Variants in CRB1 observed in about 807,000 individuals in gnomAD.
CRB1 encodes crumbs cell polarity complex component 1.
CRB1 carries 83 observed loss-of-function variants against 120.0 expected under a neutral mutation model. The observed-to-expected ratio is 0.69, with a 90% CI of 0.58 to 0.83. The LOEUF is 0.83. Among genes scored for constraint, CRB1 ranks in the 40% least tolerant of loss-of-function variants. The pLI is 0.00. For synonymous variants in CRB1, 625 were observed against 612.5 expected, an observed-to-expected ratio of 1.02 and a Z score of -0.30; for missense variants, 1,699 against 1,687.6, an observed-to-expected ratio of 1.01 and a Z score of -0.12.
At chr1:197,250,872 T>C in the CRB1 span, among the ~76,000 whole-genome samples, 1 of 152,050 alleles carries the variant, frequency 6.6e-6, no homozygotes, top group Non-Finnish European at 1.5e-5. Context: ...CTTTCCCTTG[T>C]GTCTCCTGGA....
At chr1:197,408,766 A>G (rs1430284882) in intron 5 of CRB1, among the ~76,000 whole-genome samples, 1 of 152,212 alleles carries the variant, frequency 6.6e-6, no homozygotes, top group African/African-American at 2.4e-5. Flanking sequence ...CTGATGATTT[A>G]CTGATCAAAG....
At chr1:197,317,866 A>C (rs1296868715) in intron 1 of CRB1, among the ~76,000 whole-genome samples, 1 of 152,184 alleles carries the variant, frequency 6.6e-6, no homozygotes, top group East Asian at 1.9e-4. Flanking sequence ...TAAAGACTTA[A>C]ACATAAGACC....
chr1:197,462,377 A>G (rs1571615270), intron 11 of CRB1, among the ~76,000 whole-genome samples: 1 of 152,264 alleles, frequency 6.6e-6, no homozygotes, highest in East Asian at 1.9e-4. Context: ...ATTAATCTAT[A>G]AGGAAATATA....
At chr1:197,299,269 T>C (rs759559758) in intron 1 of CRB1, among the ~76,000 whole-genome samples, 2 of 152,128 alleles carry the variant, frequency 1.3e-5, no homozygotes, top group African/African-American at 2.4e-5. Flanking sequence ...TCACTAGTTA[T>C]CAGGGAAATG....
intron 11 of CRB1, among the ~76,000 whole-genome samples, chr1:197,445,453 G>T (rs1665657459): frequency 6.6e-6 from 1 of 152,026 alleles, no homozygotes; most frequent in African/African-American, 2.4e-5. Context: ...CACCACTGAG[G>T]ACTTACTCTA....
intron 1 of CRB1, among the ~76,000 whole-genome samples, chr1:197,271,121 A>C (rs1315639668): frequency 6.6e-6 from 1 of 151,956 alleles, no homozygotes; most frequent in Non-Finnish European, 1.5e-5. Flanking sequence ...ATCGCTTGAG[A>C]CTGGAAGGTC....
At chr1:197,317,963 C>T (rs1657954760) in intron 1 of CRB1, among the ~76,000 whole-genome samples, 1 of 151,052 alleles carries the variant, frequency 6.6e-6, no homozygotes, top group Non-Finnish European at 1.5e-5. Flanking sequence ...TAAAAAACCT[C>T]AAAAGTCTGA....
At chr1:197,302,643 T>C (rs1014432857) in intron 1 of CRB1, among the ~76,000 whole-genome samples, 2 of 152,130 alleles carry the variant, frequency 1.3e-5, no homozygotes, top group African/African-American at 4.8e-5. Context: ...GATAGAGTAA[T>C]TGACAAAATA....
intron 11 of CRB1, among the ~76,000 whole-genome samples, chr1:197,475,029 T>C (rs547870269): frequency 7.9e-5 from 12 of 152,284 alleles, no homozygotes; most frequent in African/African-American, 2.6e-4. Context: ...ACAGTATGGA[T>C]GGAGAGTTTG....
At chr1:197,322,174 A>G (rs923736126) in intron 1 of CRB1, among the ~76,000 whole-genome samples, 1 of 152,092 alleles carries the variant, frequency 6.6e-6, no homozygotes, top group Non-Finnish European at 1.5e-5. Context: ...AAAAGTGTAA[A>G]TATTTCATTA....
At chr1:197,227,215 T>C in the CRB1 span, among the ~76,000 whole-genome samples, 1 of 152,140 alleles carries the variant, frequency 6.6e-6, no homozygotes, top group Non-Finnish European at 1.5e-5. Flanking sequence ...GGCAAGTTCC[T>C]TCTGCCTATG....
At chr1:197,353,969 A>G (rs900653897) in intron 4 of CRB1, among the ~76,000 whole-genome samples, 1 of 151,244 alleles carries the variant, frequency 6.6e-6, no homozygotes, top group African/African-American at 2.4e-5. Context: ...ACTCTTACAA[A>G]TCAATATGGA....
At chr1:197,206,192 T>C in the CRB1 span, among the ~76,000 whole-genome samples, 18 of 152,130 alleles carry the variant, frequency 1.2e-4, no homozygotes, top group Admixed American at 7.2e-4. Context: ...TTTATTCATC[T>C]TTTCAAAGAA....
chr1:197,216,950 CA>C, the CRB1 span, among the ~76,000 whole-genome samples: 1 of 151,546 alleles, frequency 6.6e-6, no homozygotes, highest in African/African-American at 2.4e-5. Context: ...AGTGAAAAGA[CA>C]ACCCATAGAA....
At chr1:197,300,901 A>G (rs1000595655) in intron 1 of CRB1, among the ~76,000 whole-genome samples, 3 of 152,170 alleles carry the variant, frequency 2.0e-5, no homozygotes, top group Non-Finnish European at 2.9e-5. Context: ...CCCCTTACAA[A>G]TGGTGCTAAA....
chr1:197,224,235 G>A, the CRB1 span, among the ~76,000 whole-genome samples: 1 of 152,092 alleles, frequency 6.6e-6, no homozygotes, highest in African/African-American at 2.4e-5. Flanking sequence ...GACCCAAAAA[G>A]TATAATGTAT....
intron 5 of CRB1, among the ~76,000 whole-genome samples, chr1:197,375,563 T>A (rs1252980552): frequency 6.6e-6 from 1 of 152,142 alleles, no homozygotes; most frequent in East Asian, 1.9e-4. Context: ...GTGCCCATGG[T>A]ATATGGACTC....
chr1:197,459,144 T>C (rs773960019), intron 11 of CRB1, among the ~76,000 whole-genome samples: 34 of 152,116 alleles, frequency 2.2e-4, no homozygotes, highest in Admixed American at 8.5e-4. Context: ...TAGTAGGATA[T>C]AGAAGTGGAT....
At chr1:197,340,494 T>C (rs1659389523) in intron 2 of CRB1, among the ~76,000 whole-genome samples, 1 of 73,212 alleles carries the variant, frequency 1.4e-5, no homozygotes, top group Non-Finnish European at 3.7e-5. Flanking sequence ...TTTATAGTGA[T>C]CACATTTCTA....
Sources: gnomAD v4.1 joint callset for allele counts (sites outside exome capture counted in the v4.1 genomes callset) on GRCh38, gnomAD v4.1.1 for gene constraint, MANE v1.5 for transcripts, NCBI Gene and HGNC (gene_info 2026-07-23, HGNC 2026-07-21) for gene names.